The following VPS13B variants were observed in gnomAD, a reference collection of about 807,000 sequenced individuals.
The protein encoded by VPS13B is intermembrane lipid transfer protein VPS13B.
Under a neutral mutation model 426.4 loss-of-function variants are expected in VPS13B, and 285 were observed. That is an observed-to-expected ratio of 0.67 (90% CI 0.61 to 0.74). The LOEUF is 0.74. Among genes scored for constraint, VPS13B ranks in the 30% least tolerant of loss-of-function variants. The pLI is 0.00. For missense variants in VPS13B, 4,537 were observed against 4,782.6 expected (o/e 0.95, Z 1.51); for synonymous variants, 1,676 against 1,676.4 (o/e 1.00, Z 0.01).
chr8:99,719,747 G>A (rs1156712013), intron 37 of VPS13B, among the ~76,000 whole-genome samples: 1 of 152,098 alleles, frequency 6.6e-6, no homozygotes, highest in Non-Finnish European at 1.5e-5. Flanking sequence ...GAAACACTAA[G>A]TCCTTTTGTT....
chr8:99,291,185 G>A (rs894897410), intron 19 of VPS13B, among the ~76,000 whole-genome samples: 2 of 152,136 alleles, frequency 1.3e-5, no homozygotes, highest in Non-Finnish European at 2.9e-5. Flanking sequence ...AATTGAATAT[G>A]TTGGCCAAAA....
chr8:99,870,644 C>A, intron 59 of VPS13B, 141 bp from the exon 60 acceptor site: 1 of 727,984 alleles, frequency 1.4e-6, no homozygotes, highest in Non-Finnish European at 2.4e-6. Flanking sequence ...TAATGATTAT[C>A]TATACGCTTG....
intron 22 of VPS13B, among the ~76,000 whole-genome samples, chr8:99,440,582 C>T (rs1817633482): frequency 6.6e-6 from 1 of 151,892 alleles, no homozygotes; most frequent in African/African-American, 2.4e-5. Flanking sequence ...TGATTCTTAT[C>T]ATTAAAGGAA....
At chr8:99,791,228 T>C (rs544262943) in intron 43 of VPS13B, among the ~76,000 whole-genome samples, 68 of 152,256 alleles carry the variant, frequency 4.5e-4, no homozygotes, top group South Asian at 2.5e-3. Context: ...AGAGTGGTAG[T>C]GGTGGGGAAC....
intron 3 of VPS13B, among the ~76,000 whole-genome samples, chr8:99,048,832 T>G (rs1843369227): frequency 6.7e-6 from 1 of 149,298 alleles, no homozygotes; most frequent in African/African-American, 2.5e-5. Context: ...AAAAAGAAAA[T>G]TTGGGAGCTC....
intron 55 of VPS13B, among the ~76,000 whole-genome samples, chr8:99,851,231 G>A (rs911930586): frequency 6.6e-6 from 1 of 152,086 alleles, no homozygotes; most frequent in Admixed American, 6.5e-5. Flanking sequence ...AGTATTTCTT[G>A]GAATTTCATT....
intron 35 of VPS13B, among the ~76,000 whole-genome samples, chr8:99,670,628 C>T (rs1349724964): frequency 6.6e-6 from 1 of 152,080 alleles, no homozygotes; most frequent in African/African-American, 2.4e-5. Context: ...CATTCACCAA[C>T]CTCTCCATAT....
intron 33 of VPS13B, among the ~76,000 whole-genome samples, chr8:99,628,574 T>C (rs1828708925): frequency 6.6e-6 from 1 of 152,180 alleles, no homozygotes; most frequent in Admixed American, 6.5e-5. Flanking sequence ...AATTAGTCCC[T>C]ACAATTAAGG....
At chr8:99,489,577 G>A (rs1435721938) in intron 25 of VPS13B, among the ~76,000 whole-genome samples, 4 of 151,896 alleles carry the variant, frequency 2.6e-5, no homozygotes, top group East Asian at 3.9e-4. Context: ...CTTTTATTTT[G>A]TTGAGCAGTG....
At chr8:99,247,961 A>G (rs1350617424) in intron 17 of VPS13B, among the ~76,000 whole-genome samples, 1 of 152,196 alleles carries the variant, frequency 6.6e-6, no homozygotes, top group Non-Finnish European at 1.5e-5. Context: ...GGAAAACGGA[A>G]TAGGTTACAT....
At chr8:99,255,602 C>T (rs1817704829) in intron 17 of VPS13B, among the ~76,000 whole-genome samples, 1 of 152,146 alleles carries the variant, frequency 6.6e-6, no homozygotes, top group Non-Finnish European at 1.5e-5. Flanking sequence ...TCCACTTGGC[C>T]TGCATTGCTA....
chr8:99,391,790 C>T, intron 21 of VPS13B, 86 bp downstream of exon 21: 1 of 1,514,610 alleles, frequency 6.6e-7, no homozygotes, highest in South Asian at 1.2e-5. Flanking sequence ...TGGATGCTGG[C>T]CAAAGACATG....
chr8:99,650,782 G>A (rs1261298169), intron 34 of VPS13B, among the ~76,000 whole-genome samples: 2 of 152,136 alleles, frequency 1.3e-5, no homozygotes, highest in African/African-American at 2.4e-5. Context: ...GATAAGGGCA[G>A]GGGATTACTG....
At chr8:99,189,243 C>T (rs1331141770) in intron 16 of VPS13B, among the ~76,000 whole-genome samples, 1 of 152,214 alleles carries the variant, frequency 6.6e-6, no homozygotes, top group African/African-American at 2.4e-5. Flanking sequence ...GCCACCGCGC[C>T]CGGCCAAAGT....
intron 29 of VPS13B, among the ~76,000 whole-genome samples, chr8:99,517,560 T>C (rs967988337): frequency 6.6e-6 from 1 of 152,182 alleles, no homozygotes; most frequent in African/African-American, 2.4e-5. Flanking sequence ...ATATTGAAAG[T>C]CTGCTTTTCA....
At chr8:99,862,261 G>A (rs1816877998) in intron 58 of VPS13B, among the ~76,000 whole-genome samples, 1 of 152,226 alleles carries the variant, frequency 6.6e-6, no homozygotes, top group African/African-American at 2.4e-5. Context: ...CCAGCTGTTG[G>A]CTTTCTGAAG....
chr8:99,501,916 C>A (rs1821259979), intron 26 of VPS13B, 58 bp downstream of exon 26: 2 of 1,441,246 alleles, frequency 1.4e-6, no homozygotes, highest in Admixed American at 1.9e-5. Flanking sequence ...CCCTCCCTCC[C>A]TCCCTCCCTC....
At chr8:99,874,436 G>A (rs1052073341) in intron 61 of VPS13B, among the ~76,000 whole-genome samples, 11 of 152,104 alleles carry the variant, frequency 7.2e-5, no homozygotes, top group South Asian at 2.1e-4. Context: ...CTCTGCCATC[G>A]CACGGACTTT....
chr8:99,356,385 C>T (rs929708147), intron 19 of VPS13B, among the ~76,000 whole-genome samples: 1 of 152,170 alleles, frequency 6.6e-6, no homozygotes, highest in African/African-American at 2.4e-5. Context: ...CAGGGGCTCA[C>T]ACCTGTAACG....
Sources: allele counts gnomAD v4.1 joint callset (sites outside exome capture counted in the v4.1 genomes callset), GRCh38; gene constraint gnomAD v4.1.1; transcripts MANE v1.5; gene names NCBI Gene and HGNC (gene_info 2026-07-23, HGNC 2026-07-21).